Variants in RNF180 observed in about 807,000 individuals in gnomAD.
The protein encoded by RNF180 is ring finger protein 180.
A neutral mutation model predicts 59.2 loss-of-function variants in RNF180; 38 were observed. The observed-to-expected ratio is 0.64, with a 90% CI of 0.50 to 0.84. The LOEUF (loss-of-function observed/expected upper bound fraction) is 0.84. RNF180 is among the 40% of genes least tolerant of loss of function. The pLI, the probability that RNF180 is intolerant of heterozygous loss-of-function variation, is 0.00. For synonymous variants in RNF180, 262 were observed against 240.3 expected, an observed-to-expected ratio of 1.09 and a Z score of -0.84; for missense variants, 705 against 700.9, an observed-to-expected ratio of 1.01 and a Z score of -0.07.
In RNF180 at chr5:64,214,308, A is replaced by G. The variant is rs201683756; in HGVS notation, c.982A>G (p.Asn328Asp). The change falls in exon 4 of 8, where the codon AAT becomes GAT. Residue 328 changes from asparagine to aspartate, a missense_variant. Physicochemically the swap from Asn to Asp is conservative, Grantham distance 23. Coordinates refer to ENST00000389100, the MANE Select transcript of RNF180 (RefSeq NM_001113561.2). ...GTATTCTGACCATACTAATACTAAC[A>G]ATCTGACTTTCCTGATGGACCTGCC... ...SVYSDHTNTN[N>D]LTFLMDLPSA... is the part of the protein sequence containing the mutation. The G allele has an allele frequency of 2.5e-5, 41 of 1,613,962 alleles. No individual in the cohort carries two copies. Among genetic ancestry groups the G allele is most frequent in the Non-Finnish European group, 3.4e-5 (40 of 1,180,014 alleles).
intron 5 of RNF180, among the ~76,000 whole-genome samples, chr5:64,313,970 T>C (rs1408901018): frequency 6.6e-6 from 1 of 152,178 alleles, no homozygotes; most frequent in Non-Finnish European, 1.5e-5. Flanking sequence ...AAAGTGTTTG[T>C]TCATGTCCTT....
Position 64,369,681 on chromosome 5 carries a change from A to G in RNF180, c.1646A>G (p.Tyr549Cys). The change falls in exon 8 of 8, where the codon TAC (tyrosine) becomes TGC (cysteine). Residue 549 changes from tyrosine (Y) to cysteine (C), a missense_variant. Physicochemically the swap from Tyr to Cys is radical, Grantham distance 194. Coordinates refer to ENST00000389100, the MANE Select transcript of RNF180 (RefSeq NM_001113561.2). Reference sequence around the variant, plus strand: ...CCACACGGTGCACACAGGATGGATTACCTGCACTTTGAGGATGATAGCCGT... The same window carrying G: ...CCACACGGTGCACACAGGATGGATTGCCTGCACTTTGAGGATGATAGCCGT... Reference protein sequence around the residue: ...QFPHGAHRMDYLHFEDDSRGW... With the variant: ...QFPHGAHRMDCLHFEDDSRGW... The G allele has an allele frequency of 6.5e-7, 1 of 1,547,636 alleles. No individual in the cohort carries two copies. Among genetic ancestry groups the G allele is most frequent in the Non-Finnish European group, 8.7e-7 (1 of 1,145,094 alleles).
chr5:64,252,892 G>C (rs79390245), intron 5 of RNF180, among the ~76,000 whole-genome samples: 259 of 152,066 alleles, frequency 1.7e-3, no homozygotes, highest in Non-Finnish European at 3.0e-3. Flanking sequence ...AGACATTCAT[G>C]AACCATTCAC....
At chr5:64,238,653 A>G (rs1209269879) in intron 5 of RNF180, among the ~76,000 whole-genome samples, 1 of 152,102 alleles carries the variant, frequency 6.6e-6, no homozygotes, top group Non-Finnish European at 1.5e-5. Context: ...AAAAATGTCT[A>G]TTCAGTCCTT....
rs1354836300 is a variant in RNF180, at chr5:64,214,524, T to G, written c.1191+7T>G. 6.2e-7 allele frequency: 1 copy of G among 1,605,044 alleles called. No individual in the cohort carries two copies. Among genetic ancestry groups the G allele is most frequent in the Non-Finnish European group, 8.5e-7 (1 of 1,174,942 alleles). On this transcript the variant is annotated splice_region_variant and intron_variant, in intron 4 of 7. Coordinates refer to ENST00000389100, the MANE Select transcript of RNF180 (RefSeq NM_001113561.2). ...AAGATGGCTACAGAAGCAGGTAATA[T>G]TTTTCAAAAGAGTTTACTAAAAATC...
intron 5 of RNF180, among the ~76,000 whole-genome samples, chr5:64,261,730 T>G (rs1744352359): frequency 6.6e-6 from 1 of 152,160 alleles, no homozygotes; most frequent in African/African-American, 2.4e-5. Flanking sequence ...TAAATCAATA[T>G]CAGGTGGAAA....
intron 5 of RNF180, among the ~76,000 whole-genome samples, chr5:64,261,967 A>T (rs1282373879): frequency 6.6e-6 from 1 of 152,178 alleles, no homozygotes; most frequent in Non-Finnish European, 1.5e-5. Context: ...TCAGAGTCTT[A>T]TTGACCAGAA....
chr5:64,281,123 A>G (rs1458542554), intron 5 of RNF180, among the ~76,000 whole-genome samples: 1 of 152,214 alleles, frequency 6.6e-6, no homozygotes, highest in Non-Finnish European at 1.5e-5. Flanking sequence ...GTTGGAATAT[A>G]GAAATGCTGC....
chr5:64,249,602 T>C (rs1454695673), intron 5 of RNF180, among the ~76,000 whole-genome samples: 1 of 151,558 alleles, frequency 6.6e-6, no homozygotes, highest in Non-Finnish European at 1.5e-5. Context: ...TAAAGACACA[T>C]GTAGGCTGAA....
chr5:64,332,582 A>G (rs771844678), intron 7 of RNF180, among the ~76,000 whole-genome samples: 2 of 152,240 alleles, frequency 1.3e-5, no homozygotes, highest in Admixed American at 6.5e-5. Context: ...GTGAAAGTAC[A>G]TTGTAAATTA....
intron 5 of RNF180, among the ~76,000 whole-genome samples, chr5:64,239,108 A>G (rs1481089958): frequency 6.6e-6 from 1 of 152,108 alleles, no homozygotes; most frequent in African/African-American, 2.4e-5. Flanking sequence ...ATTTTTAAGG[A>G]AAGTATTTGA....
At chr5:64,363,035 T>C (rs1357381607) in intron 7 of RNF180, among the ~76,000 whole-genome samples, 1 of 151,560 alleles carries the variant, frequency 6.6e-6, no homozygotes, top group Non-Finnish European at 1.5e-5. Flanking sequence ...GTTGTCATTC[T>C]GTAGGTTGTC....
intron 5 of RNF180, among the ~76,000 whole-genome samples, chr5:64,294,165 G>A (rs1008923841): frequency 6.6e-6 from 1 of 151,862 alleles, no homozygotes; most frequent in African/African-American, 2.4e-5. Flanking sequence ...ATAACTGAAT[G>A]GTACATTTAA....
intron 7 of RNF180, among the ~76,000 whole-genome samples, chr5:64,344,432 T>C (rs1028100889): frequency 1.3e-5 from 2 of 152,006 alleles, no homozygotes; most frequent in Non-Finnish European, 2.9e-5. Context: ...TTTCAAAATA[T>C]ATGAAACAAA....
At chr5:64,346,029 T>G (rs1745539602) in intron 7 of RNF180, among the ~76,000 whole-genome samples, 1 of 152,138 alleles carries the variant, frequency 6.6e-6, no homozygotes, top group Admixed American at 6.6e-5. Context: ...CTCAGATTAA[T>G]TTCAAATCAA....
chr5:64,349,461 A>G (rs1197679730), intron 7 of RNF180, among the ~76,000 whole-genome samples: 1 of 145,710 alleles, frequency 6.9e-6, no homozygotes, highest in African/African-American at 2.6e-5. Flanking sequence ...TTTAAGTTCT[A>G]GGGTACATGT....
Position 64,301,083 on chromosome 5 carries a change from C to T in RNF180, c.1228-24103C>T, listed in dbSNP as rs947273020. ...TTCTTACAAAACAATTTTTCTGTCA[C>T]AGTACTGTAATATACACTGTAAAAC... is the stretch of plus-strand genomic sequence containing the variant. On this transcript the variant is annotated intron_variant, in intron 5 of 7. Transcript: ENST00000389100. Among the ~76,000 whole-genome samples the T allele has an allele frequency of 5.4e-5, 7 of 129,824 alleles. No homozygotes were observed. In the South Asian group the frequency reaches 1.3e-3, roughly 24 times the overall value. 85.2% of individuals were successfully genotyped at this position (129,824 alleles called of 152,430 possible). A position where few individuals can be genotyped will look rare whatever the true frequency, so the allele number is the denominator to read the frequency against.
At chr5:64,355,916 A>G (rs567603387) in intron 7 of RNF180, among the ~76,000 whole-genome samples, 1 of 152,016 alleles carries the variant, frequency 6.6e-6, no homozygotes, top group South Asian at 2.1e-4. Flanking sequence ...AAAAACATAA[A>G]TCTTGTAAAA....
At chr5:64,253,651 C>T (rs1361824372) in intron 5 of RNF180, among the ~76,000 whole-genome samples, 1 of 152,054 alleles carries the variant, frequency 6.6e-6, no homozygotes, top group Non-Finnish European at 1.5e-5. Context: ...GAGTTTTATG[C>T]ACAGGCAAAA....
Sources: allele counts gnomAD v4.1 joint callset (sites outside exome capture counted in the v4.1 genomes callset), GRCh38; gene constraint gnomAD v4.1.1; transcripts MANE v1.5; gene names NCBI Gene and HGNC (gene_info 2026-07-23, HGNC 2026-07-21).